The following PTPRD variants were observed in gnomAD, a reference collection of about 807,000 sequenced individuals.
The protein encoded by PTPRD is receptor-type tyrosine-protein phosphatase delta.
PTPRD carries 34 observed loss-of-function variants against 214.5 expected under a neutral mutation model. The ratio of observed to expected loss-of-function variants is 0.16; its 90% confidence interval spans 0.12 to 0.21. The LOEUF (loss-of-function observed/expected upper bound fraction) is 0.21. PTPRD is among the 10% of genes least tolerant of loss of function. PTPRD has a pLI of 1.00. For synonymous variants in PTPRD, 1,128 were observed against 845.7 expected (o/e 1.33, Z -5.79); for missense variants, 2,545 against 2,398.7 (o/e 1.06, Z -1.27).
intron 36 of PTPRD, among the ~76,000 whole-genome samples, chr9:8,390,136 C>G (rs1398244243): frequency 6.6e-6 from 1 of 152,156 alleles, no homozygotes; most frequent in Non-Finnish European, 1.5e-5. Flanking sequence ...CCATCTTCTA[C>G]TTTTGTCCTC....
intron 2 of PTPRD, among the ~76,000 whole-genome samples, chr9:10,603,525 A>C (rs1274831905): frequency 6.6e-6 from 1 of 151,924 alleles, no homozygotes; most frequent in Non-Finnish European, 1.5e-5. Flanking sequence ...ACTAATATGC[A>C]CATCTGGGAA....
intron 12 of PTPRD, among the ~76,000 whole-genome samples, chr9:8,654,125 T>C (rs1424191489): frequency 2.0e-5 from 3 of 152,188 alleles, no homozygotes; most frequent in African/African-American, 4.8e-5. Flanking sequence ...TGTGACAATC[T>C]AACATTATCA....
chr9:8,822,783 G>A (rs2097097241), intron 11 of PTPRD, among the ~76,000 whole-genome samples: 1 of 152,054 alleles, frequency 6.6e-6, no homozygotes, highest in Non-Finnish European at 1.5e-5. Context: ...GAACAGAACT[G>A]GAATCCAATT....
intron 11 of PTPRD, among the ~76,000 whole-genome samples, chr9:8,755,656 A>C (rs2093938934): frequency 6.6e-6 from 1 of 152,188 alleles, no homozygotes; most frequent in Admixed American, 6.5e-5. Flanking sequence ...AAAATTTAAA[A>C]TTTCTGCTGA....
intron 9 of PTPRD, among the ~76,000 whole-genome samples, chr9:9,382,624 T>C (rs796394678): frequency 8.5e-5 from 13 of 152,076 alleles, no homozygotes; most frequent in South Asian, 4.1e-4. Context: ...TCTGTTAGGA[T>C]GGTTTTATTG....
chr9:8,976,241 G>A (rs7022702), intron 11 of PTPRD, among the ~76,000 whole-genome samples: 41,538 of 151,760 alleles, frequency 0.27, 6,465 homozygotes, highest in South Asian at 0.41. Context: ...AATCACTACT[G>A]TTAGTTTTGA....
intron 3 of PTPRD, among the ~76,000 whole-genome samples, chr9:10,181,504 C>CT (rs921157084): frequency 1.3e-5 from 2 of 150,884 alleles, no homozygotes; most frequent in Admixed American, 6.6e-5. Flanking sequence ...CCAACACTAA[C>CT]TTTTTTTTTA....
intron 2 of PTPRD, among the ~76,000 whole-genome samples, chr9:10,436,918 T>G (rs1009138551): frequency 5.9e-5 from 9 of 151,778 alleles, no homozygotes; most frequent in African/African-American, 1.9e-4. Flanking sequence ...ATGTACTAAA[T>G]GTAGATGCAA....
At chr9:9,095,184 T>A (rs1341128938) in intron 10 of PTPRD, among the ~76,000 whole-genome samples, 4 of 152,098 alleles carry the variant, frequency 2.6e-5, no homozygotes, top group Non-Finnish European at 2.9e-5. Context: ...ATTTTCTTCC[T>A]AAAATCAGGA....
chr9:9,031,663 G>T (rs1312119570), intron 10 of PTPRD, among the ~76,000 whole-genome samples: 2 of 152,008 alleles, frequency 1.3e-5, no homozygotes. Flanking sequence ...ATAAATTAAT[G>T]AAAGTGTGAA....
chr9:9,360,054 T>C (rs1047169214), intron 9 of PTPRD, among the ~76,000 whole-genome samples: 2 of 151,266 alleles, frequency 1.3e-5, no homozygotes, highest in African/African-American at 4.8e-5. Context: ...CCATGTGTTT[T>C]CATGGCAGAA....
chr9:9,616,969 C>A (rs1433070294), intron 7 of PTPRD, among the ~76,000 whole-genome samples: 1 of 152,066 alleles, frequency 6.6e-6, no homozygotes, highest in East Asian at 1.9e-4. Flanking sequence ...TTTCCCTTTA[C>A]TCTGTGGGCT....
Position 8,506,337 on chromosome 9 carries a change from CCT to C in PTPRD, c.1677+962_1677+963del, listed in dbSNP as rs532632602. ...ACACAGTGCCATTAACTCCTTTTGT[CCT>C]AATGTTCCCCATTGGATTTAACAAT... On this transcript the variant is annotated intron_variant, in intron 22 of 45. Coordinates refer to ENST00000381196, the MANE Select transcript of PTPRD (RefSeq NM_002839.4). Among the ~76,000 whole-genome samples the C allele has an allele frequency of 1.8e-3, 268 of 152,166 alleles. 1 individual carries two copies. Among genetic ancestry groups the C allele is most frequent in the African/African-American group, 6.0e-3 (249 of 41,512 alleles).
chr9:9,187,678 T>C (rs1036462127), intron 9 of PTPRD, among the ~76,000 whole-genome samples: 5 of 151,968 alleles, frequency 3.3e-5, no homozygotes, highest in African/African-American at 9.7e-5. Context: ...TTTGGAGCTG[T>C]GTTAATAACA....
intron 35 of PTPRD, among the ~76,000 whole-genome samples, chr9:8,424,235 T>A: frequency 6.6e-6 from 1 of 152,140 alleles, no homozygotes; most frequent in Non-Finnish European, 1.5e-5. Flanking sequence ...CCTTAACAGA[T>A]AAGTTAATGA....
intron 3 of PTPRD, among the ~76,000 whole-genome samples, chr9:10,221,361 T>C (rs972611129): frequency 1.3e-5 from 2 of 151,980 alleles, no homozygotes; most frequent in Non-Finnish European, 2.9e-5. Flanking sequence ...TTATATGATA[T>C]GGAAAAAATT....
intron 35 of PTPRD, among the ~76,000 whole-genome samples, chr9:8,412,189 T>C (rs1474555469): frequency 3.9e-5 from 6 of 152,270 alleles, no homozygotes; most frequent in African/African-American, 1.4e-4. Flanking sequence ...GGAAGACTTC[T>C]TGAGCCCTGG....
At chr9:9,350,412 A>G (rs149816910) in intron 9 of PTPRD, among the ~76,000 whole-genome samples, 1 of 152,080 alleles carries the variant, frequency 6.6e-6, no homozygotes, top group African/African-American at 2.4e-5. Flanking sequence ...AGTTTGCCAT[A>G]CCCTTTTGTA....
rs2135909209 is a variant in PTPRD, at chr9:8,485,817, T to C, written c.3000A>G (p.Lys1000=). The change falls in exon 28 of 46, where the codon AAA becomes AAG. Residue 1000 remains lysine (K), a synonymous_variant. Coordinates refer to ENST00000381196, the MANE Select transcript of PTPRD (RefSeq NM_002839.4). ...CACTGGGACTATATGGCCCGGGCCC[T>C]TTGCTCGTATGAGCACGTACTTTTA... ...YDVKVRAHTS[K]GPGPYSPSVQ... 6.2e-7 allele frequency: 1 copy of C among 1,614,060 alleles called. No individual in the cohort carries two copies. Among genetic ancestry groups the C allele is most frequent in the South Asian group, 1.1e-5 (1 of 91,076 alleles).
Sources: gnomAD v4.1 joint callset for allele counts (sites outside exome capture counted in the v4.1 genomes callset) on GRCh38, gnomAD v4.1.1 for gene constraint, MANE v1.5 for transcripts, NCBI Gene and HGNC (gene_info 2026-07-23, HGNC 2026-07-21) for gene names.